The following MSRA variants were observed in gnomAD, a reference collection of about 807,000 sequenced individuals.
MSRA encodes the protein mitochondrial peptide methionine sulfoxide reductase.
In MSRA, 54 loss-of-function variants were observed where a neutral mutation model predicts 31.3. The observed-to-expected ratio is 1.73, with a 90% CI of 1.39 to 2.17. The LOEUF is 2.17. Among genes scored for constraint, MSRA ranks in the 30% most tolerant of loss-of-function variants. The probability of loss-of-function intolerance (pLI) is 0.00; values close to 1 mark genes in which losing one functional copy is unlikely to be tolerated. For missense variants in MSRA, 507 were observed against 300.9 expected (o/e 1.69, Z -5.07); for synonymous variants, 169 against 116.5 (o/e 1.45, Z -2.90).
intron 5 of MSRA, among the ~76,000 whole-genome samples, chr8:10,423,071 C>T (rs1235161966): frequency 1.3e-5 from 2 of 152,156 alleles, no homozygotes; most frequent in African/African-American, 2.4e-5. Flanking sequence ...CCTAAAGATT[C>T]AGTAGGTGAT....
At chr8:10,194,995 C>G (rs1180178680) in intron 1 of MSRA, among the ~76,000 whole-genome samples, 1 of 152,228 alleles carries the variant, frequency 6.6e-6, no homozygotes, top group South Asian at 2.1e-4. Context: ...CAGTACTATT[C>G]TCCTGCACTT....
chr8:10,196,279 A>G (rs972837404), intron 1 of MSRA, among the ~76,000 whole-genome samples: 3 of 151,976 alleles, frequency 2.0e-5, no homozygotes, highest in Non-Finnish European at 4.4e-5. Context: ...AACTGCTTGT[A>G]GAAACATTTA....
intron 1 of MSRA, among the ~76,000 whole-genome samples, chr8:10,056,277 T>G (rs1013024096): frequency 6.6e-6 from 1 of 150,672 alleles, no homozygotes; most frequent in African/African-American, 2.4e-5. Flanking sequence ...AAGGTCAAGA[T>G]GGACCAAAAT....
chr8:10,330,006 A>ATG (rs72198519), intron 5 of MSRA, among the ~76,000 whole-genome samples: 5,938 of 135,364 alleles, frequency 0.044, 138 homozygotes, highest in East Asian at 0.073. Flanking sequence ...AGAGAAAAAA[A>ATG]TGTGTGTGTG....
intron 2 of MSRA, among the ~76,000 whole-genome samples, chr8:10,217,533 G>C (rs945558590): frequency 6.6e-6 from 1 of 152,092 alleles, no homozygotes; most frequent in African/African-American, 2.4e-5. Context: ...TTTTTACTTT[G>C]CAATTGTGAA....
At chr8:10,153,851 T>C (rs1316538431) in intron 1 of MSRA, among the ~76,000 whole-genome samples, 1 of 152,250 alleles carries the variant, frequency 6.6e-6, no homozygotes, top group Non-Finnish European at 1.5e-5. Context: ...TTTCAATCCT[T>C]TTATTTCGGA....
chr8:10,108,369 G>C (rs1800037968), intron 1 of MSRA, among the ~76,000 whole-genome samples: 2 of 152,208 alleles, frequency 1.3e-5, no homozygotes, highest in Admixed American at 1.3e-4. Flanking sequence ...CCTAGTGGCT[G>C]ATGGGATGTG....
chr8:10,089,113 T>G (rs1798730898), intron 1 of MSRA, among the ~76,000 whole-genome samples: 1 of 147,390 alleles, frequency 6.8e-6, no homozygotes, highest in African/African-American at 2.5e-5. Flanking sequence ...TTTTGTTAAA[T>G]AAGTAAATTT....
At chr8:10,285,686 C>G (rs531494507) in intron 3 of MSRA, among the ~76,000 whole-genome samples, 1 of 151,902 alleles carries the variant, frequency 6.6e-6, no homozygotes, top group African/African-American at 2.4e-5. Flanking sequence ...CCACTCTACT[C>G]TCTACTTCTA....
chr8:10,416,299 A>G (rs143458766), intron 5 of MSRA, among the ~76,000 whole-genome samples: 122 of 152,362 alleles, frequency 8.0e-4, no homozygotes, highest in African/African-American at 2.9e-3. Context: ...TGGAGAGTTT[A>G]AAAACTTCTT....
chr8:10,096,927 G>A (rs945181858), intron 1 of MSRA, among the ~76,000 whole-genome samples: 2 of 152,014 alleles, frequency 1.3e-5, no homozygotes, highest in Admixed American at 6.6e-5. Context: ...TTTATATGCC[G>A]AAAGAATACA....
chr8:10,086,355 T>C (rs1440596792), intron 1 of MSRA, among the ~76,000 whole-genome samples: 1 of 152,246 alleles, frequency 6.6e-6, no homozygotes, highest in African/African-American at 2.4e-5. Context: ...TCAAGAATTC[T>C]GGTTTGGCCA....
chr8:10,290,837 G>C (rs1166426524), intron 3 of MSRA, among the ~76,000 whole-genome samples: 3 of 152,108 alleles, frequency 2.0e-5, no homozygotes, highest in Admixed American at 1.3e-4. Context: ...TGGTTCTCTT[G>C]GCTGCAGGGA....
intron 3 of MSRA, among the ~76,000 whole-genome samples, chr8:10,285,826 C>CT (rs910286380): frequency 4.3e-4 from 66 of 152,140 alleles, no homozygotes; most frequent in African/African-American, 1.5e-3. Flanking sequence ...CAGTTTTGTT[C>CT]TTTTTTTAAA....
chr8:10,252,094 T>C (rs900866463), intron 3 of MSRA, among the ~76,000 whole-genome samples: 2 of 152,242 alleles, frequency 1.3e-5, no homozygotes, highest in East Asian at 1.9e-4. Flanking sequence ...TCCTGACTAA[T>C]AACCTTATTT....
intron 5 of MSRA, among the ~76,000 whole-genome samples, chr8:10,333,235 G>A (rs1802811344): frequency 6.6e-6 from 1 of 152,192 alleles, no homozygotes. Flanking sequence ...ATGTTTAGTG[G>A]CTCCCATATG....
At chr8:10,209,892 A>G (rs547904538) in intron 2 of MSRA, among the ~76,000 whole-genome samples, 1 of 152,344 alleles carries the variant, frequency 6.6e-6, no homozygotes, top group African/African-American at 2.4e-5. Context: ...TCTACAGATG[A>G]TAAAGTAGAA....
chr8:10,060,850 A>T (rs561473042), intron 1 of MSRA, among the ~76,000 whole-genome samples: 13 of 152,276 alleles, frequency 8.5e-5, no homozygotes, highest in Admixed American at 2.6e-4. Flanking sequence ...CAAAGAACAG[A>T]TCTTTGAGGA....
At chr8:10,158,650 G>C (rs1350459192) in intron 1 of MSRA, among the ~76,000 whole-genome samples, 1 of 152,018 alleles carries the variant, frequency 6.6e-6, no homozygotes, top group East Asian at 1.9e-4. Flanking sequence ...CATTTGGGTT[G>C]TTTCTACTTT....
Sources: allele counts gnomAD v4.1 joint callset (sites outside exome capture counted in the v4.1 genomes callset), GRCh38; gene constraint gnomAD v4.1.1; transcripts MANE v1.5; gene names NCBI Gene and HGNC (gene_info 2026-07-23, HGNC 2026-07-21).